SIGLEC5: variants seen among roughly 807,000 people sequenced by gnomAD.
The protein encoded by SIGLEC5 is sialic acid-binding Ig-like lectin 5.
SIGLEC5 carries 34 observed loss-of-function variants against 45.9 expected under a neutral mutation model. The observed-to-expected ratio is 0.74, with a 90% CI of 0.56 to 0.99. The LOEUF is 0.99. SIGLEC5 is among the 50% of genes least tolerant of loss of function. SIGLEC5 has a pLI of 0.00. For synonymous variants in SIGLEC5, 203 were observed against 258.6 expected (o/e 0.79, Z 2.06); for missense variants, 508 against 629.6 (o/e 0.81, Z 2.07).
In SIGLEC5 at chr19:51,612,314, A is replaced by G; in HGVS notation, c.1573T>C (p.Phe525Leu). 6.2e-7 allele frequency: 1 copy of G among 1,613,152 alleles called. No individual in the cohort carries two copies. Among genetic ancestry groups the G allele is most frequent in the Non-Finnish European group, 8.5e-7 (1 of 1,179,768 alleles). Residue 525 changes from phenylalanine (F) to leucine (L), a missense_variant, in exon 9 of 9, where the codon TTT (phenylalanine) becomes CTT (leucine). Phe to Leu is a conservative substitution (Grantham distance 22, BLOSUM62 0). Transcript: ENST00000683636. ...GGCTCCCTCGACTTCATCTCAGAAA[A>G]ACTAAGGGAGGCATAATGGAGCTCC... Reference protein sequence around the residue: ...QKELHYASLSFSEMKSREPKD... With the variant: ...QKELHYASLSLSEMKSREPKD...
At chr19:51,626,215 C>T (rs1983474789) in intron 7 of SIGLEC5, 102 bp from the exon 8 acceptor site, 1 of 897,166 alleles carries the variant, frequency 1.1e-6, no homozygotes, top group East Asian at 2.5e-5. Flanking sequence ...ATGAAGCCAT[C>T]CAGGCCCCGG....
chr19:51,620,323 A>C (rs1167865974), intron 8 of SIGLEC5, among the ~76,000 whole-genome samples: 2 of 152,180 alleles, frequency 1.3e-5, no homozygotes, highest in Non-Finnish European at 1.5e-5. Context: ...AGGAGGAAAA[A>C]GGAAAATGAC....
chr19:51,628,958 A>G, intron 4 of SIGLEC5, 80 bp downstream of exon 4: 2 of 1,373,542 alleles, frequency 1.5e-6, no homozygotes, highest in Non-Finnish European at 2.0e-6. Flanking sequence ...ATCTGATTGC[A>G]TTCAAGCTCT....
intron 7 of SIGLEC5, 65 bp downstream of exon 7, chr19:51,627,084 T>C (rs8105105): frequency 0.076 from 98,426 of 1,291,996 alleles, 5,757 homozygotes; most frequent in African/African-American, 0.24. Context: ...TCTGTGTTTC[T>C]GAGATTCAGT....
intron 8 of SIGLEC5, among the ~76,000 whole-genome samples, chr19:51,614,710 AC>A (rs1982988867): frequency 6.6e-6 from 1 of 152,174 alleles, no homozygotes; most frequent in Non-Finnish European, 1.5e-5. Context: ...CAGTATGTTC[AC>A]CCTTTCACTC....
At chr19:51,619,863 GA>G (rs1983216742) in intron 8 of SIGLEC5, among the ~76,000 whole-genome samples, 1 of 151,890 alleles carries the variant, frequency 6.6e-6, no homozygotes, top group Non-Finnish European at 1.5e-5. Flanking sequence ...GATACAGTGA[GA>G]AAATTCTACA....
At chr19:51,628,210 C>A in intron 4 of SIGLEC5, 119 bp from the exon 5 acceptor site, 1 of 1,159,132 alleles carries the variant, frequency 8.6e-7, no homozygotes, top group Non-Finnish European at 1.2e-6. Flanking sequence ...CCTATGCTGG[C>A]TTGATTGCAT....
At chr19:51,617,753 G>A (rs1461646005) in intron 8 of SIGLEC5, among the ~76,000 whole-genome samples, 1 of 151,966 alleles carries the variant, frequency 6.6e-6, no homozygotes, top group Non-Finnish European at 1.5e-5. Flanking sequence ...TGATAAGTAT[G>A]GAATAGAAAG....
chr19:51,629,304 A>ACACACACACACACC (rs749457255), intron 3 of SIGLEC5, 54 bp downstream of exon 3: 1 of 1,480,196 alleles, frequency 6.8e-7, no homozygotes, highest in African/African-American at 1.4e-5. Flanking sequence ...ACACACACAC[A>ACACACACACACACC]CCCCTCACTC....
chr19:51,629,327 A>G lies in SIGLEC5; in HGVS notation c.700+31T>C, dbSNP rs200569133. The G allele has an allele frequency of 4.0e-3, 6,310 of 1,576,176 alleles. 116 individuals are homozygous for G. The African/African-American group carries it at 0.046, about 11-fold the overall frequency. ...ACACCCCTCACTCCCACTGCCCTTG[A>G]GGACTCAGCTGTGTCCCCAGCACCA... On this transcript the variant is annotated intron_variant, in intron 3 of 8. Transcript: ENST00000683636.
rs1568594929 is a variant in SIGLEC5, at chr19:51,630,219, G to GT, written c.38-4_38-3insA. ...CACTGGCTTCTCCTGCAGGGACCCT[G>GT]GGGGGACACAGAAGCTCAGCTGCAG... is the stretch of plus-strand genomic sequence containing the variant. On this transcript the variant is annotated splice_region_variant and splice_polypyrimidine_tract_variant and intron_variant, in intron 1 of 8. Coordinates refer to ENST00000683636, the MANE Select transcript of SIGLEC5 (RefSeq NM_003830.4). The GT allele has an allele frequency of 6.4e-6, 4 of 629,032 alleles. No homozygotes were observed. Among genetic ancestry groups the GT allele is most frequent in the Middle Eastern group, 4.1e-4 (1 of 2,428 alleles). The allele number at this position is 629,032 out of a possible 1,614,324, so 39.0% of individuals were successfully genotyped here. A position where few individuals can be genotyped will look rare whatever the true frequency, so the allele number is the denominator to read the frequency against.
At chr19:51,617,049 A>T (rs979435725) in intron 8 of SIGLEC5, among the ~76,000 whole-genome samples, 27 of 151,848 alleles carry the variant, frequency 1.8e-4, no homozygotes, top group African/African-American at 6.5e-4. Flanking sequence ...AGGTCAGGAG[A>T]TCAAGACCAT....
In SIGLEC5 at chr19:51,612,120, T is replaced by A; in HGVS notation, c.*111A>T. ...CTTGGAGCACTTAAACATCAGTTAA[T>A]GTTAACATTGCCACAAGGGCTCTTC... On this transcript the variant is annotated 3_prime_UTR_variant, in exon 9 of 9. Coordinates refer to ENST00000683636, the MANE Select transcript of SIGLEC5 (RefSeq NM_003830.4). 1 of 460,310 alleles carries A rather than the reference T, an allele frequency of 2.2e-6. No individual in the cohort carries two copies. The highest frequency in any genetic ancestry group is 3.5e-6 in the Non-Finnish European group (1 of 284,722). The allele number at this position is 460,310 out of a possible 1,614,324, so 28.5% of individuals were successfully genotyped here.
At position 51,627,989 on chromosome 19, in the gene SIGLEC5, C is replaced by T. The variant is rs779675082; in HGVS notation, c.842G>A (p.Trp281Ter). The change falls in exon 5 of 9, where the codon TGG (tryptophan) becomes TAG (stop). Residue 281 changes from tryptophan to a stop codon, truncating the protein, a stop_gained. Coordinates refer to ENST00000683636, the MANE Select transcript of SIGLEC5 (RefSeq NM_003830.4). LOFTEE classifies it high-confidence loss of function. ...APSNPPAHLS[W>*]FQGSPALNAT... ...GTTCAGGGCAGGGGAGCCCTGGAAC[C>T]AGCTCAGGTGTGCAGGGGGGTTGCT... 5 of 1,613,372 alleles carry T rather than the reference C, an allele frequency of 3.1e-6. No individual in the cohort carries two copies. Among genetic ancestry groups the T allele is most frequent in the Admixed American group, 3.3e-5 (2 of 59,894 alleles).
intron 8 of SIGLEC5, among the ~76,000 whole-genome samples, chr19:51,618,431 T>G (rs1600100160): frequency 1.0e-5 from 1 of 99,870 alleles, no homozygotes; most frequent in African/African-American, 3.9e-5. Context: ...CATGAGTGAG[T>G]GAGACCCTGC....
At chr19:51,622,467 A>AG (rs60718062) in intron 8 of SIGLEC5, among the ~76,000 whole-genome samples, 1 of 36,380 alleles carries the variant, frequency 2.7e-5, no homozygotes, top group African/African-American at 1.0e-4. Context: ...CATTAAAGTG[A>AG]AAAAAAAAAA....
In SIGLEC5 at chr19:51,627,974, G is replaced by A. The variant is rs1983565335; in HGVS notation, c.857C>T (p.Pro286Leu). The A allele has an allele frequency of 6.2e-7, 1 of 1,613,768 alleles. No individual in the cohort carries two copies. The change falls in exon 5 of 9, where the codon CCT (proline) becomes CTT (leucine). Residue 286 changes from proline to leucine, a missense_variant. Physicochemically the swap from Pro to Leu is moderately conservative, Grantham distance 98. Coordinates refer to ENST00000683636, the MANE Select transcript of SIGLEC5 (RefSeq NM_003830.4). ...PAHLSWFQGS[P>L]ALNATPISNT... Reference sequence around the variant, plus strand: ...GGAGATGGGGGTGGCGTTCAGGGCAGGGGAGCCCTGGAACCAGCTCAGGTG... The same window carrying A: ...GGAGATGGGGGTGGCGTTCAGGGCAAGGGAGCCCTGGAACCAGCTCAGGTG...
intron 8 of SIGLEC5, 70 bp from the exon 9 acceptor site, chr19:51,612,492 A>G: frequency 9.1e-7 from 1 of 1,103,848 alleles, no homozygotes; most frequent in Non-Finnish European, 1.3e-6. Flanking sequence ...GAGTTCTTAT[A>G]TTTATATGTT....
At position 51,627,649 on chromosome 19, in the gene SIGLEC5, C is replaced by A; in HGVS notation, c.1095G>T (p.Trp365Cys). Residue 365 changes from tryptophan to cysteine, a missense_variant, in exon 6 of 9, where the codon TGG (tryptophan) becomes TGT (cysteine). Around this residue, in one of 2 missense-constraint regions of SIGLEC5, gnomAD observed 431 missense variants for 428.8 expected, o/e 1.01. Coordinates refer to ENST00000683636, the MANE Select transcript of SIGLEC5 (RefSeq NM_003830.4). The stretch of plus-strand genomic sequence containing the variant: ...CCTCCAGCGGCTTCTCCTCAAGCCG[C>A]CAGCACAGGGAGGGGGCCGGCCGGG... ...FRARPAPSLC[W>C]RLEEKPLEGN... The A allele has an allele frequency of 6.2e-7, 1 of 1,612,176 alleles. No individual in the cohort carries two copies. Among genetic ancestry groups the A allele is most frequent in the African/African-American group, 1.3e-5 (1 of 75,024 alleles).
Sources: allele counts gnomAD v4.1 joint callset (sites outside exome capture counted in the v4.1 genomes callset), GRCh38; gene constraint gnomAD v4.1.1; regional missense constraint gnomAD v4.1.1; transcripts MANE v1.5; gene names NCBI Gene and HGNC (gene_info 2026-07-23, HGNC 2026-07-21).